Variants in LDLRAD4 observed in about 807,000 individuals in gnomAD.
The protein encoded by LDLRAD4 is low-density lipoprotein receptor class A domain-containing protein 4.
In LDLRAD4, 5 loss-of-function variants were observed where a neutral mutation model predicts 17.0. That is an observed-to-expected ratio of 0.29 (90% CI 0.15 to 0.62). The LOEUF is 0.62. Among genes scored for constraint, LDLRAD4 ranks in the 20% least tolerant of loss-of-function variants. The pLI is 0.84. For synonymous variants in LDLRAD4, 168 were observed against 171.8 expected (o/e 0.98, Z 0.17); for missense variants, 340 against 424.7 (o/e 0.80, Z 1.75).
At chr18:13,283,320 A>G (rs779794595) in intron 1 of LDLRAD4, among the ~76,000 whole-genome samples, 6 of 152,192 alleles carry the variant, frequency 3.9e-5, no homozygotes, top group African/African-American at 4.8e-5. Context: ...CAAATTTTCC[A>G]AACTTTTATG....
chr18:13,587,713 C>G (rs992821825), intron 3 of LDLRAD4, among the ~76,000 whole-genome samples: 2 of 152,192 alleles, frequency 1.3e-5, no homozygotes, highest in African/African-American at 4.8e-5. Flanking sequence ...GGGCCACTGT[C>G]CCAGTGGGGC....
intron 4 of LDLRAD4, among the ~76,000 whole-genome samples, chr18:13,624,318 G>A (rs1356953581): frequency 1.3e-5 from 2 of 152,218 alleles, no homozygotes; most frequent in African/African-American, 4.8e-5. Context: ...TACGAGTTTG[G>A]GGTCTGGTCT....
intron 1 of LDLRAD4, among the ~76,000 whole-genome samples, chr18:13,285,077 T>G (rs1335743924): frequency 6.6e-6 from 1 of 152,172 alleles, no homozygotes; most frequent in Non-Finnish European, 1.5e-5. Context: ...TCTTGAAATT[T>G]GTTATATAGT....
intron 3 of LDLRAD4, among the ~76,000 whole-genome samples, chr18:13,509,255 A>G (rs951664848): frequency 1.4e-4 from 22 of 152,226 alleles, no homozygotes; most frequent in African/African-American, 5.3e-4. Context: ...TCGAGACTGG[A>G]GTCAGCCATG....
At chr18:13,382,003 A>G (rs2085406910) in intron 1 of LDLRAD4, among the ~76,000 whole-genome samples, 1 of 152,188 alleles carries the variant, frequency 6.6e-6, no homozygotes, top group Admixed American at 6.5e-5. Context: ...ATCGGCATCC[A>G]CAGGCCGGGG....
intron 3 of LDLRAD4, among the ~76,000 whole-genome samples, chr18:13,529,356 A>T (rs2094090633): frequency 6.6e-6 from 1 of 152,244 alleles, no homozygotes. Flanking sequence ...GCCTTTGATG[A>T]TACAAATGGT....
intron 3 of LDLRAD4, among the ~76,000 whole-genome samples, chr18:13,589,620 C>G (rs1390156509): frequency 2.6e-5 from 4 of 152,156 alleles, no homozygotes; most frequent in Non-Finnish European, 5.9e-5. Flanking sequence ...TCCCACCTTT[C>G]CCCCAGGCTG....
chr18:13,611,877 G>A, intron 3 of LDLRAD4: 2 of 981,632 alleles, frequency 2.0e-6, no homozygotes, highest in Non-Finnish European at 2.4e-6. Flanking sequence ...AGAGCCGCTG[G>A]GAGCTGCTCC....
At chr18:13,337,444 G>A (rs945461611) in intron 1 of LDLRAD4, among the ~76,000 whole-genome samples, 5 of 152,116 alleles carry the variant, frequency 3.3e-5, no homozygotes, top group South Asian at 2.1e-4. Flanking sequence ...AAAATTCCAC[G>A]AAACTTTTTT....
At chr18:13,635,007 T>TG (rs1443701787) in intron 4 of LDLRAD4, among the ~76,000 whole-genome samples, 5 of 152,208 alleles carry the variant, frequency 3.3e-5, no homozygotes, top group Non-Finnish European at 1.5e-5. Context: ...AGAGTGGTGA[T>TG]GGGGGATCTG....
intron 1 of LDLRAD4, among the ~76,000 whole-genome samples, chr18:13,265,735 A>T (rs935477043): frequency 5.3e-5 from 8 of 152,050 alleles, no homozygotes; most frequent in Admixed American, 4.6e-4. Flanking sequence ...TTCGTTGGCC[A>T]TGGGTCCTGC....
At chr18:13,584,307 T>A (rs2094906212) in intron 3 of LDLRAD4, among the ~76,000 whole-genome samples, 1 of 152,204 alleles carries the variant, frequency 6.6e-6, no homozygotes, top group South Asian at 2.1e-4. Flanking sequence ...ACTTATCCCT[T>A]AAGACTCAGA....
At chr18:13,473,616 A>G (rs2092837057) in intron 3 of LDLRAD4, among the ~76,000 whole-genome samples, 1 of 130,998 alleles carries the variant, frequency 7.6e-6, no homozygotes, top group South Asian at 2.6e-4. Flanking sequence ...CAGTCTGGGC[A>G]GCACAGTAAG....
chr18:13,645,367 C>A lies in LDLRAD4; in HGVS notation c.631C>A (p.Arg211=), dbSNP rs770553486. The change falls in exon 6 of 6, where the codon CGA becomes AGA. Residue 211 remains arginine, a synonymous_variant. Transcript: ENST00000359446. The surrounding 1 kb of genome is among the most constrained non-coding windows in gnomAD (Gnocchi z 5.7). ...AGAGTCCGTGAGGGCCCCACCCAAC[C>A]GAACCATATTTGACAGTGATTTAAT... is the stretch of plus-strand genomic sequence containing the variant. 9 of 1,614,062 alleles carry A rather than the reference C, an allele frequency of 5.6e-6. No individual in the cohort carries two copies. Among genetic ancestry groups the A allele is most frequent in the Admixed American group, 5.0e-5 (3 of 59,994 alleles).
rs150325467 is a variant in LDLRAD4, at chr18:13,427,405, G to C, written c.41-10839G>C. ...CTGAGGGCAAGGCTGGGGGCAGCCG[G>C]GCAGCCATACATGGGCTGGTGGAGT... On this transcript the variant is annotated intron_variant, in intron 2 of 5. Coordinates refer to ENST00000359446, the Ensembl canonical transcript of LDLRAD4. 52 of 152,656 alleles carry C rather than the reference G, an allele frequency of 3.4e-4. 1 individual carries two copies. The highest frequency in any genetic ancestry group is 1.1e-3 in the African/African-American group (46 of 41,440). 9.5% of individuals were successfully genotyped at this position (152,656 alleles called of 1,614,324 possible).
intron 3 of LDLRAD4, among the ~76,000 whole-genome samples, chr18:13,559,303 A>G (rs749353192): frequency 9.9e-5 from 15 of 152,204 alleles, no homozygotes; most frequent in South Asian, 2.1e-4. Context: ...GCCCCTCACC[A>G]ACAAACAAAC....
chr18:13,619,828 G>A (rs1269110332), intron 3 of LDLRAD4, among the ~76,000 whole-genome samples: 1 of 152,070 alleles, frequency 6.6e-6, no homozygotes, highest in Admixed American at 6.5e-5. Flanking sequence ...TGCCTGCGGG[G>A]GCAGGGGGCC....
Position 13,440,946 on chromosome 18 carries a change from G to A in LDLRAD4, c.181+2562G>A, listed in dbSNP as rs2090984235. Among the ~76,000 whole-genome samples the A allele has an allele frequency of 6.6e-6, 1 of 152,226 alleles. No individual in the cohort carries two copies. The highest frequency in any genetic ancestry group is 2.4e-5 in the African/African-American group (1 of 41,460). On this transcript the variant is annotated intron_variant, in intron 3 of 5. Coordinates refer to ENST00000359446, the Ensembl canonical transcript of LDLRAD4. The surrounding 1 kb of genome is among the most constrained non-coding windows in gnomAD (Gnocchi z 4.4). Reference sequence around the variant, plus strand: ...GGGGAAGGCTGCCACCTGGCCTGTGGCTGCCCCCTACGTTCCCCTCAGGTT... The same window carrying A: ...GGGGAAGGCTGCCACCTGGCCTGTGACTGCCCCCTACGTTCCCCTCAGGTT...
intron 1 of LDLRAD4, among the ~76,000 whole-genome samples, chr18:13,365,917 G>C (rs2084021945): frequency 6.6e-6 from 1 of 152,146 alleles, no homozygotes; most frequent in Admixed American, 6.5e-5. Flanking sequence ...GGGATTACAG[G>C]CGCCCGTCAT....
Sources: allele counts gnomAD v4.1 joint callset (sites outside exome capture counted in the v4.1 genomes callset), GRCh38; gene constraint gnomAD v4.1.1; non-coding constraint Gnocchi (gnomAD v3.1); transcripts MANE v1.5; gene names NCBI Gene and HGNC (gene_info 2026-07-23, HGNC 2026-07-21).